The following PTPRF variants were observed in gnomAD, a reference collection of about 807,000 sequenced individuals.
The protein encoded by PTPRF is receptor-type tyrosine-protein phosphatase F.
PTPRF carries 59 observed loss-of-function variants against 201.8 expected under a neutral mutation model. That is an observed-to-expected ratio of 0.29 (90% CI 0.24 to 0.36). PTPRF has a LOEUF of 0.36. Ranked by LOEUF, PTPRF falls within the 10% of genes least tolerant of loss-of-function variation. The pLI is 1.00. For missense variants in PTPRF, 2,132 were observed against 2,690.5 expected (o/e 0.79, Z 4.59); for synonymous variants, 1,088 against 1,089.7 (o/e 1.00, Z 0.03).
chr1:43,530,341 G>T (rs1274645972), upstream of PTPRF, among the ~76,000 whole-genome samples: 1 of 151,978 alleles, frequency 6.6e-6, no homozygotes, highest in Non-Finnish European at 1.5e-5. This position sits in a 1 kb window ranked among gnomAD's most constrained non-coding sequence, Gnocchi z 4.1. Context: ...TAGGGACTGG[G>T]GGCTGAGCAT....
chr1:43,578,792 C>G lies in PTPRF; in HGVS notation c.569-18C>G, dbSNP rs548957191. On this transcript the variant is annotated intron_variant, in intron 6 of 33. Transcript: ENST00000359947. ...TCGACATGGGCCGTGCCTGACCTCT[C>G]GCTTCGTGTACCCACAGGTGCCTTG... The G allele has an allele frequency of 8.8e-6, 14 of 1,598,758 alleles. No homozygotes were observed. The highest frequency in any genetic ancestry group is 1.2e-5 in the Non-Finnish European group (14 of 1,168,276).
chr1:43,561,027 G>A (rs1429937258), intron 5 of PTPRF, among the ~76,000 whole-genome samples: 1 of 152,180 alleles, frequency 6.6e-6, no homozygotes, highest in East Asian at 1.9e-4. Context: ...CAGGGTGGGG[G>A]CTAATCAGTG....
intron 13 of PTPRF, among the ~76,000 whole-genome samples, chr1:43,601,232 CTGTGA>C (rs1200657731): frequency 6.6e-6 from 1 of 152,230 alleles, no homozygotes; most frequent in Non-Finnish European, 1.5e-5. Context: ...GACCATCTCC[CTGTGA>C]TGTTTCATGG....
chr1:43,577,121 A>T (rs1386250711), intron 6 of PTPRF, among the ~76,000 whole-genome samples: 1 of 152,064 alleles, frequency 6.6e-6, no homozygotes, highest in Non-Finnish European at 1.5e-5. Context: ...CTGGGTCAGA[A>T]ATTTCACCCA....
intron 19 of PTPRF, 96 bp downstream of exon 19, chr1:43,605,718 A>C: frequency 8.4e-7 from 1 of 1,192,654 alleles, no homozygotes; most frequent in South Asian, 1.3e-5. Context: ...TCTCAGATTC[A>C]CTCCCCAAAT....
intron 6 of PTPRF, chr1:43,575,764 G>A: frequency 1.7e-6 from 1 of 602,898 alleles, no homozygotes; most frequent in Non-Finnish European, 2.7e-6. Flanking sequence ...CACTGTCCGT[G>A]TCGGCCTAAC....
intron 5 of PTPRF, among the ~76,000 whole-genome samples, chr1:43,562,705 C>T (rs1045518779): frequency 6.6e-6 from 1 of 152,088 alleles, no homozygotes; most frequent in Non-Finnish European, 1.5e-5. Flanking sequence ...AGCCACTGCT[C>T]CTGGCCAAAT....
intron 6 of PTPRF, among the ~76,000 whole-genome samples, chr1:43,572,780 G>GC (rs1646662032): frequency 1.3e-5 from 2 of 152,100 alleles, no homozygotes; most frequent in African/African-American, 4.8e-5. Flanking sequence ...TGATTACCAT[G>GC]CCCCCTTCAC....
chr1:43,534,506 G>A (rs1643887559), intron 1 of PTPRF, among the ~76,000 whole-genome samples: 1 of 152,170 alleles, frequency 6.6e-6, no homozygotes, highest in African/African-American at 2.4e-5. Flanking sequence ...GGGAGTGAAG[G>A]AGAGGAAGAG....
At chr1:43,578,978 G>T in intron 7 of PTPRF, 58 bp downstream of exon 7, 1 of 1,528,706 alleles carries the variant, frequency 6.5e-7, no homozygotes, top group Middle Eastern at 1.7e-4. Flanking sequence ...GCACCTGCCG[G>T]GCTCTCTGCC....
chr1:43,614,572 C>T (rs1009118103), intron 23 of PTPRF, among the ~76,000 whole-genome samples: 3 of 152,182 alleles, frequency 2.0e-5, no homozygotes, highest in African/African-American at 7.2e-5. Context: ...GACTCCTGGC[C>T]AGGCGCAGTC....
At chr1:43,589,026 G>A (rs1289935255) in intron 8 of PTPRF, 26 bp downstream of exon 8, 2 of 1,513,422 alleles carry the variant, frequency 1.3e-6, no homozygotes, top group Non-Finnish European at 1.8e-6. Context: ...GCTGTAACCA[G>A]TGCCCTCCCT....
rs763528233 is a variant in PTPRF at position 43,591,942 on chromosome 1, C to G, written c.1662C>G (p.Asp554Glu). 1 of 1,613,630 alleles carries G rather than the reference C, an allele frequency of 6.2e-7. No individual in the cohort carries two copies. Among genetic ancestry groups the G allele is most frequent in the East Asian group, 2.2e-5 (1 of 44,876 alleles). The change falls in exon 10 of 34, where the codon GAC (aspartate) becomes GAG (glutamate). Residue 554 changes from aspartate (D) to glutamate (E), a missense_variant. By Grantham distance (45) the Asp-to-Glu change is conservative. Around this residue, in one of 6 missense-constraint regions of PTPRF, gnomAD observed 351 missense variants for 401.7 expected, o/e 0.87. Coordinates refer to ENST00000359947, the MANE Select transcript of PTPRF (RefSeq NM_002840.5). ...ELVYWAAEDE[D>E]QQHKVTFDPT... ...TGTACTGGGCGGCAGAGGACGAAGA[C>G]CAACAGGTGTGCAGCGGGCAGAGAA...
At position 43,553,928 on chromosome 1, in the gene PTPRF, C is replaced by G; in HGVS notation, c.366C>G (p.Leu122=). 1 of 1,614,198 alleles carries G rather than the reference C, an allele frequency of 6.2e-7. No homozygotes were observed. Among genetic ancestry groups the G allele is most frequent in the Non-Finnish European group, 8.5e-7 (1 of 1,180,022 alleles). ...SLGEINTSAK[L]SVLEEEQLPP... The stretch of plus-strand genomic sequence containing the variant: ...GTGAGATCAACACTAGTGCCAAGCT[C>G]TCAGTGCTCGAAGGTACGTGCTAGG... The change falls in exon 5 of 34, where the codon CTC becomes CTG. Residue 122 remains leucine, a synonymous_variant. Transcript: ENST00000359947. The surrounding 1 kb of genome is among the most constrained non-coding windows in gnomAD (Gnocchi z 4.1).
intron 6 of PTPRF, 79 bp downstream of exon 6, chr1:43,569,857 C>G (rs1005993621): frequency 2.2e-5 from 32 of 1,454,038 alleles, no homozygotes; most frequent in Non-Finnish European, 2.7e-5. Flanking sequence ...AGCCTACTCC[C>G]TTGGGCCTGG....
At chr1:43,614,306 C>A (rs1557860028) in intron 23 of PTPRF, among the ~76,000 whole-genome samples, 1 of 152,218 alleles carries the variant, frequency 6.6e-6, no homozygotes, top group Non-Finnish European at 1.5e-5. Flanking sequence ...TGCATGTGCT[C>A]ACGTGTGTAC....
chr1:43,600,987 T>C (rs1284744521), intron 13 of PTPRF, among the ~76,000 whole-genome samples: 1 of 152,144 alleles, frequency 6.6e-6, no homozygotes, highest in African/African-American at 2.4e-5. Flanking sequence ...GCAAGGAGAC[T>C]GGAAGGGACG....
intron 11 of PTPRF, among the ~76,000 whole-genome samples, chr1:43,597,214 A>G (rs1317586841): frequency 1.3e-5 from 2 of 152,098 alleles, no homozygotes; most frequent in Non-Finnish European, 2.9e-5. Flanking sequence ...ACCGTATGAG[A>G]CAGTGTATAT....
At chr1:43,579,388 G>C in intron 7 of PTPRF, 1 of 368,994 alleles carries the variant, frequency 2.7e-6, no homozygotes, top group South Asian at 2.0e-5. Context: ...GGGTAGTAAG[G>C]CCTCAGGAAC....
Sources: allele counts gnomAD v4.1 joint callset (sites outside exome capture counted in the v4.1 genomes callset), GRCh38; gene constraint gnomAD v4.1.1; regional missense constraint gnomAD v4.1.1; non-coding constraint Gnocchi (gnomAD v3.1); transcripts MANE v1.5; gene names NCBI Gene and HGNC (gene_info 2026-07-23, HGNC 2026-07-21).